Variants in AP2A2 observed in about 807,000 individuals in gnomAD.
The protein encoded by AP2A2 is AP-2 complex subunit alpha-2.
In AP2A2, 32 loss-of-function variants were observed where a neutral mutation model predicts 104.2. That is an observed-to-expected ratio of 0.31 (90% CI 0.23 to 0.41). AP2A2 has a LOEUF of 0.41. AP2A2 is among the 10% of genes least tolerant of loss of function. The pLI is 1.00. For synonymous variants in AP2A2, 539 were observed against 533.3 expected (o/e 1.01, Z -0.15); for missense variants, 912 against 1,261.0 (o/e 0.72, Z 4.19).
chr11:959,967 G>T (rs1015498081), intron 2 of AP2A2, among the ~76,000 whole-genome samples: 1 of 152,212 alleles, frequency 6.6e-6, no homozygotes, highest in Non-Finnish European at 1.5e-5. Flanking sequence ...TACGGATTTA[G>T]TTTTCAGCCC....
chr11:1,000,391 A>G (rs898618334), intron 14 of AP2A2, 41 bp from the exon 15 acceptor site: 14 of 1,539,680 alleles, frequency 9.1e-6, no homozygotes, highest in Middle Eastern at 2.1e-4. Context: ...TGGCCAGGCC[A>G]GGGAGGCTCT....
intron 2 of AP2A2, among the ~76,000 whole-genome samples, chr11:963,453 G>A (rs1854507675): frequency 6.6e-6 from 1 of 151,998 alleles, no homozygotes; most frequent in African/African-American, 2.4e-5. Flanking sequence ...AAAAAACAAG[G>A]TACCGAGTTA....
At position 968,806 on chromosome 11, in the gene AP2A2, A is replaced by G. The variant is rs1457950652; in HGVS notation, c.137-1363A>G. ...GTCGGGGCCGGGGGAGGGAGGAACCAGGTCGGGTCTGCTTTTATTTATATC... is the reference window on the plus strand; with the variant it reads ...GTCGGGGCCGGGGGAGGGAGGAACCGGGTCGGGTCTGCTTTTATTTATATC... On this transcript the variant is annotated intron_variant, in intron 2 of 21. Coordinates refer to ENST00000448903, the MANE Select transcript of AP2A2 (RefSeq NM_012305.4). The surrounding 1 kb of genome is among the most constrained non-coding windows in gnomAD (Gnocchi z 4.2). Among the ~76,000 whole-genome samples, 1 of 152,134 alleles carries G rather than the reference A, an allele frequency of 6.6e-6. No individual in the cohort carries two copies. The highest frequency in any genetic ancestry group is 1.5e-5 in the Non-Finnish European group (1 of 68,010).
intron 2 of AP2A2, 83 bp from the exon 3 acceptor site, chr11:970,086 G>A: frequency 6.7e-6 from 10 of 1,491,216 alleles, no homozygotes; most frequent in Middle Eastern, 1.8e-4. Flanking sequence ...GCTGCCTGCT[G>A]TACTGCTGCA....
chr11:1,006,586 A>T lies in AP2A2; in HGVS notation c.2265A>T (p.Pro755=). 1 of 1,613,782 alleles carries T rather than the reference A, an allele frequency of 6.2e-7. No individual in the cohort carries two copies. The highest frequency in any genetic ancestry group is 8.5e-7 in the Non-Finnish European group (1 of 1,179,806). ...CCACGCAGTTCCTAAACTTTACCCC[A>T]ACACTAATCTGTTCAGACGACCTTC... The part of the protein sequence containing the change: ...KTSTQFLNFT[P]TLICSDDLQP... Residue 755 remains proline (P), a synonymous_variant, in exon 17 of 22, where the codon CCA becomes CCT. Transcript: ENST00000448903.
At chr11:944,589 A>G (rs1181617800) in intron 1 of AP2A2, among the ~76,000 whole-genome samples, 1 of 152,222 alleles carries the variant, frequency 6.6e-6, no homozygotes, top group Non-Finnish European at 1.5e-5. Flanking sequence ...GATGATAAAC[A>G]CAACAGAGAG....
At position 968,427 on chromosome 11, in the gene AP2A2, CCT is replaced by C. The variant is rs143945121; in HGVS notation, c.137-1741_137-1740del. On this transcript the variant is annotated intron_variant, in intron 2 of 21. Coordinates refer to ENST00000448903, the MANE Select transcript of AP2A2 (RefSeq NM_012305.4). The surrounding 1 kb of genome is among the most constrained non-coding windows in gnomAD (Gnocchi z 4.2). ...GAGAGAGCCTGTCTCCGTCTCCGCC[CCT>C]GTTCCCATCCCCGTCTCCATCCCCG... 7.9e-5 allele frequency among the ~76,000 whole-genome samples: 12 copies of C among 151,546 alleles called. No homozygotes were observed. Among genetic ancestry groups the C allele is most frequent in the East Asian group, 5.8e-4 (3 of 5,146 alleles).
chr11:959,319 C>T, intron 1 of AP2A2, 118 bp from the exon 2 acceptor site: 4 of 729,396 alleles, frequency 5.5e-6, no homozygotes, highest in Non-Finnish European at 7.0e-6. Context: ...CGGCTTTTCT[C>T]CTGCCTTGAA....
chr11:987,021 G>T, intron 9 of AP2A2, 68 bp downstream of exon 9: 1 of 1,511,798 alleles, frequency 6.6e-7, no homozygotes, highest in Non-Finnish European at 8.9e-7. Context: ...TGTGAAGGCT[G>T]GGGGTACGCA....
intron 1 of AP2A2, among the ~76,000 whole-genome samples, chr11:937,893 G>C (rs1035839125): frequency 6.6e-6 from 1 of 152,156 alleles, no homozygotes; most frequent in Non-Finnish European, 1.5e-5. Flanking sequence ...GTTAGCCTAA[G>C]TCCCGGAGCT....
chr11:984,127 C>T (rs1855365630), intron 6 of AP2A2, among the ~76,000 whole-genome samples: 1 of 152,214 alleles, frequency 6.6e-6, no homozygotes, highest in Non-Finnish European at 1.5e-5. Context: ...GTGATTGTCA[C>T]TTGTTCAGGA....
At chr11:977,354 G>C in intron 5 of AP2A2, 130 bp downstream of exon 5, 1 of 1,273,860 alleles carries the variant, frequency 7.9e-7, no homozygotes. Context: ...GTGGCTGCGT[G>C]CTGAGGCCAC....
rs112142999 is a variant in AP2A2 at position 927,708 on chromosome 11, A to G, written c.67+1620A>G. Among the ~76,000 whole-genome samples, 8 of 149,720 alleles carry G rather than the reference A, an allele frequency of 5.3e-5. 1 individual carries two copies. The highest frequency in any genetic ancestry group is 2.0e-4 in the African/African-American group (8 of 40,688). ...GGTGTACACATCTATAGTCCCAGCT[A>G]CTTGGGAGGCTGAGAGAGGAGGATC... On this transcript the variant is annotated intron_variant, in intron 1 of 21. Coordinates refer to ENST00000448903, the MANE Select transcript of AP2A2 (RefSeq NM_012305.4).
chr11:955,191 AC>A (rs1425087625), intron 1 of AP2A2, among the ~76,000 whole-genome samples: 3 of 152,242 alleles, frequency 2.0e-5, no homozygotes, highest in Non-Finnish European at 4.4e-5. Context: ...ACATGTACAC[AC>A]ACAGTGGCAT....
At chr11:982,018 A>C (rs1321502687) in intron 6 of AP2A2, among the ~76,000 whole-genome samples, 2 of 152,230 alleles carry the variant, frequency 1.3e-5, no homozygotes, top group African/African-American at 4.8e-5. Context: ...GGTTTTAGTC[A>C]TCTGGGTGTA....
intron 6 of AP2A2, among the ~76,000 whole-genome samples, chr11:983,661 G>C (rs1255587904): frequency 1.3e-5 from 2 of 152,204 alleles, no homozygotes. Context: ...GGGATTACAG[G>C]CGGGAGCCAC....
At chr11:974,855 C>T (rs1211441282) in intron 4 of AP2A2, among the ~76,000 whole-genome samples, 2 of 151,656 alleles carry the variant, frequency 1.3e-5, no homozygotes, top group African/African-American at 2.4e-5. Flanking sequence ...CATGGTGGCG[C>T]CCTCCTGTAG....
At chr11:956,644 T>C (rs1854244637) in intron 1 of AP2A2, 1 of 152,202 alleles carries the variant, frequency 6.6e-6, no homozygotes, top group South Asian at 2.1e-4. Flanking sequence ...CTACACGTGG[T>C]CTCATCTCTC....
Position 994,209 on chromosome 11 carries a change from G to A in AP2A2, c.1920G>A (p.Gly640=). The A allele has an allele frequency of 1.2e-6, 2 of 1,612,914 alleles. No individual in the cohort carries two copies. Among genetic ancestry groups the A allele is most frequent in the Admixed American group, 1.7e-5 (1 of 60,016 alleles). Residue 640 remains glycine, a synonymous_variant, in exon 14 of 22, where the codon GGG becomes GGA. Coordinates refer to ENST00000448903, the MANE Select transcript of AP2A2 (RefSeq NM_012305.4). ...GGGACAGGAGTGTGGACGTGAACGG[G>A]GGTCCTGAGCCTGCCCCAGCCAGTA... ...TKRDRSVDVN[G]GPEPAPASTS... is the part of the protein sequence containing the mutation.
Sources: gnomAD v4.1 joint callset for allele counts (sites outside exome capture counted in the v4.1 genomes callset) on GRCh38, gnomAD v4.1.1 for gene constraint, Gnocchi (gnomAD v3.1) non-coding constraint, MANE v1.5 for transcripts, NCBI Gene and HGNC (gene_info 2026-07-23, HGNC 2026-07-21) for gene names.